The following RPGRIP1 variants were observed in gnomAD, a reference collection of about 807,000 sequenced individuals.
RPGRIP1 encodes X-linked retinitis pigmentosa GTPase regulator-interacting protein 1.
In RPGRIP1, 128 loss-of-function variants were observed where a neutral mutation model predicts 157.9. The observed-to-expected ratio is 0.81, with a 90% CI of 0.70 to 0.94. The LOEUF (loss-of-function observed/expected upper bound fraction) is 0.94. Ranked by LOEUF, RPGRIP1 falls within the 40% of genes least tolerant of loss-of-function variation. RPGRIP1 has a pLI of 0.00. For missense variants in RPGRIP1, 1,486 were observed against 1,545.8 expected (o/e 0.96, Z 0.65); for synonymous variants, 554 against 571.6 (o/e 0.97, Z 0.44).
At chr14:21,329,504 C>CTT (rs1400332697) in intron 19 of RPGRIP1, among the ~76,000 whole-genome samples, 8 of 137,580 alleles carry the variant, frequency 5.8e-5, no homozygotes, top group Non-Finnish European at 7.9e-5. Context: ...CAAGTACTCA[C>CTT]TTTTTTTTTT....
chr14:21,301,762 C>T (rs1162665641), intron 4 of RPGRIP1, among the ~76,000 whole-genome samples: 1 of 151,038 alleles, frequency 6.6e-6, no homozygotes, highest in Admixed American at 6.6e-5. Context: ...CCTGCAGTCC[C>T]ACCTACTTGG....
chr14:21,306,220 C>T (rs1881298807), intron 6 of RPGRIP1, among the ~76,000 whole-genome samples: 1 of 125,674 alleles, frequency 8.0e-6, no homozygotes, highest in African/African-American at 2.9e-5. Context: ...CAATCTCCAT[C>T]TTCCGGGTTC....
intron 14 of RPGRIP1, 126 bp from the exon 15 acceptor site, chr14:21,324,492 G>A (rs1882834313): frequency 1.3e-6 from 1 of 795,932 alleles, no homozygotes; most frequent in Admixed American, 2.1e-5. Flanking sequence ...TGAATCACGT[G>A]GTTTCTTGAA....
At chr14:21,302,832 A>G (rs908156376) in intron 5 of RPGRIP1, 8 of 184,622 alleles carry the variant, frequency 4.3e-5, no homozygotes, top group Non-Finnish European at 8.1e-5. Context: ...TTACATTTAT[A>G]TTTTTTTCCT....
intron 2 of RPGRIP1, among the ~76,000 whole-genome samples, chr14:21,291,782 T>C (rs1306495553): frequency 6.6e-6 from 1 of 151,930 alleles, no homozygotes; most frequent in Non-Finnish European, 1.5e-5. Context: ...TTTGTTGAGA[T>C]GGAGTCTCGC....
At chr14:21,313,924 G>C (rs1160586685) in intron 10 of RPGRIP1, among the ~76,000 whole-genome samples, 1 of 151,358 alleles carries the variant, frequency 6.6e-6, no homozygotes, top group East Asian at 1.9e-4. Context: ...ATAAGGCAAA[G>C]GGGCACCTTC....
At chr14:21,301,376 TA>T in intron 4 of RPGRIP1, 139 bp downstream of exon 4, 1 of 928,704 alleles carries the variant, frequency 1.1e-6, no homozygotes, top group Non-Finnish European at 1.6e-6. Flanking sequence ...TCTGCCTCCC[TA>T]AAATCTTTAT....
intron 21 of RPGRIP1, among the ~76,000 whole-genome samples, chr14:21,336,520 G>C (rs1241456142): frequency 6.6e-6 from 1 of 152,196 alleles, no homozygotes; most frequent in African/African-American, 2.4e-5. Context: ...AGGTGACAGA[G>C]AGAGACCCTG....
Position 21,303,374 on chromosome 14 carries a change from A to G in RPGRIP1, c.631A>G (p.Ser211Gly). Residue 211 changes from serine (S) to glycine (G), a missense_variant, in exon 6 of 25, where the codon AGT becomes GGT. Physicochemically the swap from Ser to Gly is moderately conservative, Grantham distance 56. Coordinates refer to ENST00000400017, the MANE Select transcript of RPGRIP1 (RefSeq NM_020366.4). ...CATAATTTCTTTCAGCAGTGTCATA[A>G]GTATGGCTAAACCCATTGGTCTATG... ...NSIISFSSVI[S>G]MAKPIGLCMP... is the part of the protein sequence containing the mutation. 6.2e-7 allele frequency: 1 copy of G among 1,613,840 alleles called. No individual in the cohort carries two copies. Among genetic ancestry groups the G allele is most frequent in the Non-Finnish European group, 8.5e-7 (1 of 1,179,812 alleles).
In RPGRIP1 at chr14:21,339,022, G is replaced by A. The variant is rs550842674; in HGVS notation, c.3340-4014G>A. Among the ~76,000 whole-genome samples, 12 of 152,302 alleles carry A rather than the reference G, an allele frequency of 7.9e-5. No individual in the cohort carries two copies. The East Asian group carries it at 2.1e-3, about 27-fold the overall frequency. On this transcript the variant is annotated intron_variant, in intron 21 of 24. Coordinates refer to ENST00000400017, the MANE Select transcript of RPGRIP1 (RefSeq NM_020366.4). ...GTGATGACGGGTGCCTGTAATCCCAGCTACTCAGGAGGTTGAGGCAGGAGA... is the reference window on the plus strand; with the variant it reads ...GTGATGACGGGTGCCTGTAATCCCAACTACTCAGGAGGTTGAGGCAGGAGA...
intron 23 of RPGRIP1, among the ~76,000 whole-genome samples, chr14:21,345,468 C>T (rs1885470591): frequency 6.6e-6 from 1 of 152,026 alleles, no homozygotes; most frequent in Non-Finnish European, 1.5e-5. Flanking sequence ...GTGGTGCGAT[C>T]TTGGCTCACT....
intron 3 of RPGRIP1, among the ~76,000 whole-genome samples, chr14:21,299,247 C>T (rs996883172): frequency 3.9e-5 from 6 of 152,030 alleles, no homozygotes; most frequent in Non-Finnish European, 8.8e-5. Context: ...GGTGATCCGC[C>T]CACCTCAGCC....
At chr14:21,309,975 C>T (rs1350177625) in intron 7 of RPGRIP1, among the ~76,000 whole-genome samples, 2 of 151,930 alleles carry the variant, frequency 1.3e-5, no homozygotes, top group Non-Finnish European at 2.9e-5. Context: ...ATCTCAGCTA[C>T]TTGGGAGGTT....
chr14:21,314,800 T>C (rs894285633), intron 10 of RPGRIP1, among the ~76,000 whole-genome samples: 3 of 151,258 alleles, frequency 2.0e-5, no homozygotes, highest in African/African-American at 7.3e-5. Flanking sequence ...GGCAGGCAGA[T>C]TGCCTGAGCA....
chr14:21,326,838 C>T (rs1020282670), intron 17 of RPGRIP1, among the ~76,000 whole-genome samples: 2 of 152,116 alleles, frequency 1.3e-5, no homozygotes, highest in Non-Finnish European at 2.9e-5. Context: ...AGAGAGATTT[C>T]CACACCAGAT....
At chr14:21,301,266 G>C in intron 4 of RPGRIP1, 29 bp downstream of exon 4, 1 of 1,563,486 alleles carries the variant, frequency 6.4e-7, no homozygotes, top group Non-Finnish European at 8.7e-7. Context: ...TCCCCTACAG[G>C]GCTAAGACAC....
At chr14:21,321,426 AG>A (rs757004823) in intron 13 of RPGRIP1, 24 bp downstream of exon 13, 2 of 1,600,812 alleles carry the variant, frequency 1.2e-6, no homozygotes, top group South Asian at 2.2e-5. Context: ...TGGTACAGGA[AG>A]GGGATGGATA....
In RPGRIP1 at chr14:21,325,310, G is replaced by A. The variant is rs1413996964; in HGVS notation, c.2294G>A (p.Cys765Tyr). ...RFPIKPSLQA[C>Y]NKRKKAQVYL... ...CCCATAAAACCCAGCCTACAGGCGT[G>A]CAATAAACGAAAGAAAGCCCAGGTC... is the stretch of plus-strand genomic sequence containing the variant. The change falls in exon 16 of 25, where the codon TGC becomes TAC. Residue 765 changes from cysteine to tyrosine, a missense_variant. Transcript: ENST00000400017. 3.7e-6 allele frequency: 6 copies of A among 1,610,606 alleles called. No individual in the cohort carries two copies. Among genetic ancestry groups the A allele is most frequent in the African/African-American group, 1.3e-5 (1 of 74,856 alleles).
At chr14:21,308,751 G>A (rs7153570) in intron 7 of RPGRIP1, among the ~76,000 whole-genome samples, 81,722 of 151,656 alleles carry the variant, frequency 0.54, 22,028 homozygotes, top group South Asian at 0.61. Context: ...AAGCAGAGAG[G>A]GGAGACCTCA....
Sources: allele counts gnomAD v4.1 joint callset (sites outside exome capture counted in the v4.1 genomes callset), GRCh38; gene constraint gnomAD v4.1.1; transcripts MANE v1.5; gene names NCBI Gene and HGNC (gene_info 2026-07-23, HGNC 2026-07-21).